PRIM1: variants seen among roughly 807,000 people sequenced by gnomAD.
PRIM1 encodes DNA primase small subunit.
Under a neutral mutation model 60.2 loss-of-function variants are expected in PRIM1, and 38 were observed. The observed-to-expected ratio is 0.63, with a 90% CI of 0.49 to 0.83. The LOEUF (loss-of-function observed/expected upper bound fraction) is 0.83. Ranked by LOEUF, PRIM1 falls within the 40% of genes least tolerant of loss-of-function variation. The probability of loss-of-function intolerance (pLI) is 0.00; values close to 1 mark genes in which losing one functional copy is unlikely to be tolerated. For synonymous variants in PRIM1, 158 were observed against 160.2 expected (o/e 0.99, Z 0.10); for missense variants, 388 against 506.2 (o/e 0.77, Z 2.24).
Position 56,751,128 on chromosome 12 carries a change from G to T in PRIM1, c.171C>A (p.Tyr57Ter). ...FTLKDDIYIR[Y>*]QSFNNQSDLE... ...GATCACTCTGGTTGTTGAAGGATTGGTAGCGAATGTAAATATCATCTTTCA... is the reference window on the plus strand; with the variant it reads ...GATCACTCTGGTTGTTGAAGGATTGTTAGCGAATGTAAATATCATCTTTCA... Residue 57 changes from tyrosine (Y) to a stop codon, truncating the protein, a stop_gained, in exon 2 of 13, where the codon TAC becomes TAA. Coordinates refer to ENST00000338193, the MANE Select transcript of PRIM1 (RefSeq NM_000946.3). LOFTEE classifies it high-confidence loss of function. The T allele has an allele frequency of 1.3e-6, 2 of 1,582,236 alleles. No individual in the cohort carries two copies. Among genetic ancestry groups the T allele is most frequent in the Non-Finnish European group, 1.7e-6 (2 of 1,162,104 alleles).
chr12:56,736,471 A>G (rs1407080457), intron 11 of PRIM1, among the ~76,000 whole-genome samples: 1 of 151,524 alleles, frequency 6.6e-6, no homozygotes, highest in Non-Finnish European at 1.5e-5. Context: ...AAGAATCCTC[A>G]TAATAGTTCT....
chr12:56,746,263 T>G, intron 4 of PRIM1, 82 bp from the exon 5 acceptor site: 3 of 1,439,910 alleles, frequency 2.1e-6, no homozygotes, highest in Non-Finnish European at 2.9e-6. Flanking sequence ...TGTTGTTTCC[T>G]GTGCTCCCCA....
Position 56,741,857 on chromosome 12 carries a change from C to T in PRIM1, c.749-20G>A, listed in dbSNP as rs779902789. 1 of 1,603,374 alleles carries T rather than the reference C, an allele frequency of 6.2e-7. No individual in the cohort carries two copies. The highest frequency in any genetic ancestry group is 1.1e-5 in the South Asian group (1 of 90,796). Reference sequence around the variant, plus strand: ...GAATTGGTGATGGGTCATTAAGGAACAGACTCATTTAGGGAACATCAATGA... The same window carrying T: ...GAATTGGTGATGGGTCATTAAGGAATAGACTCATTTAGGGAACATCAATGA... On this transcript the variant is annotated intron_variant, in intron 7 of 12. Coordinates refer to ENST00000338193, the MANE Select transcript of PRIM1 (RefSeq NM_000946.3).
At chr12:56,734,291 G>A in intron 11 of PRIM1, 46 bp from the exon 12 acceptor site, 1 of 1,214,334 alleles carries the variant, frequency 8.2e-7, no homozygotes, top group Non-Finnish European at 1.2e-6. Context: ...CTGGCAGCAA[G>A]AATAACATGA....
rs148347448 is a variant in PRIM1 at position 56,739,868 on chromosome 12, G to A, written c.983-505C>T. 2.7e-3 allele frequency among the ~76,000 whole-genome samples: 415 copies of A among 152,312 alleles called. 2 individuals are homozygous for A. The highest frequency in any genetic ancestry group is 9.9e-3 in the African/African-American group (411 of 41,576). ...CTCTTTAAAAAACCAGCCAGGTGCAGTGGCTCACGCCTGTAATCCCAGCAC... is the reference window on the plus strand; with the variant it reads ...CTCTTTAAAAAACCAGCCAGGTGCAATGGCTCACGCCTGTAATCCCAGCAC... On this transcript the variant is annotated intron_variant, in intron 9 of 12. Transcript: ENST00000338193.
At chr12:56,747,088 G>A in intron 2 of PRIM1, 56 bp from the exon 3 acceptor site, 2 of 1,396,220 alleles carry the variant, frequency 1.4e-6, no homozygotes, top group South Asian at 1.2e-5. Flanking sequence ...TGCTAAATCT[G>A]CTTATTTTCT....
intron 6 of PRIM1, chr12:56,743,540 C>T (rs3943363): frequency 0.015 from 2,388 of 156,150 alleles, 28 homozygotes; most frequent in South Asian, 0.045. Flanking sequence ...ATCATTGATA[C>T]AACTGTGAGA....
Position 56,746,057 on chromosome 12 carries a change from CAAA to C in PRIM1, c.564_566del (p.Tyr188_Leu189delinsTer). ...AAGAGGATCTTACCTTTACAAGGCTCAAATACTCAACTATCCCAGAACGTACTG... is the reference window on the plus strand; with the variant it reads ...AAGAGGATCTTACCTTTACAAGGCTCTACTCAACTATCCCAGAACGTACTG... On this transcript the variant is annotated stop_gained and inframe_deletion, in exon 5 of 13. Transcript: ENST00000338193. LOFTEE classifies it high-confidence loss of function. 1 of 1,607,466 alleles carries C rather than the reference CAAA, an allele frequency of 6.2e-7. No individual in the cohort carries two copies. The highest frequency in any genetic ancestry group is 8.5e-7 in the Non-Finnish European group (1 of 1,178,148).
At chr12:56,751,980 T>G (rs1274570098) in intron 1 of PRIM1, among the ~76,000 whole-genome samples, 8 of 149,398 alleles carry the variant, frequency 5.4e-5, no homozygotes, top group African/African-American at 7.4e-5. Flanking sequence ...TTTTTTTTTT[T>G]TTTTTTTTTT....
intron 7 of PRIM1, 86 bp from the exon 8 acceptor site, chr12:56,741,923 A>C: frequency 8.4e-7 from 1 of 1,188,282 alleles, no homozygotes; most frequent in South Asian, 1.3e-5. Flanking sequence ...AGGGTGTCTT[A>C]CAAATATTCA....
intron 10 of PRIM1, 94 bp from the exon 11 acceptor site, chr12:56,738,619 T>C (rs1953851061): frequency 1.5e-6 from 2 of 1,316,050 alleles, no homozygotes; most frequent in Non-Finnish European, 1.0e-6. Context: ...TGGTGCGATC[T>C]TGGCTCACTG....
At chr12:56,744,495 A>G (rs1242409491) in intron 5 of PRIM1, among the ~76,000 whole-genome samples, 1 of 151,102 alleles carries the variant, frequency 6.6e-6, no homozygotes, top group Non-Finnish European at 1.5e-5. Context: ...CTCCATCTCA[A>G]AAAAAAAAGA....
intron 2 of PRIM1, 21 bp downstream of exon 2, chr12:56,751,017 T>C (rs1482995066): frequency 1.7e-5 from 23 of 1,391,252 alleles, no homozygotes; most frequent in Non-Finnish European, 2.0e-5. Flanking sequence ...CAACAAAATA[T>C]ATTAAAAAAA....
intron 10 of PRIM1, among the ~76,000 whole-genome samples, chr12:56,739,037 T>A (rs369397216): frequency 1.0e-3 from 158 of 152,360 alleles, no homozygotes; most frequent in African/African-American, 3.6e-3. Flanking sequence ...AATACTGTAG[T>A]AAAAGATACT....
chr12:56,736,446 C>A (rs1241349941), intron 11 of PRIM1, among the ~76,000 whole-genome samples: 3 of 150,894 alleles, frequency 2.0e-5, no homozygotes, highest in Non-Finnish European at 4.4e-5. Flanking sequence ...TAGTATCCTA[C>A]GTTTGCATGG....
chr12:56,751,456 T>C (rs1183706173), intron 1 of PRIM1: 2 of 207,568 alleles, frequency 9.6e-6, no homozygotes, highest in African/African-American at 2.3e-5. Context: ...CAGATAATTT[T>C]TGTATTTTTT....
chr12:56,749,129 C>A (rs1384021266), intron 2 of PRIM1, among the ~76,000 whole-genome samples: 2 of 152,136 alleles, frequency 1.3e-5, no homozygotes, highest in Non-Finnish European at 2.9e-5. Context: ...CTGCCTCAGC[C>A]TCCTGAGTAG....
At chr12:56,734,897 C>T (rs1456235766) in intron 11 of PRIM1, among the ~76,000 whole-genome samples, 1 of 149,594 alleles carries the variant, frequency 6.7e-6, no homozygotes, top group Non-Finnish European at 1.5e-5. Flanking sequence ...CTGCAACTTC[C>T]GCCTCCCAGG....
At chr12:56,751,372 C>T in intron 1 of PRIM1, 177 bp from the exon 2 acceptor site, 1 of 426,244 alleles carries the variant, frequency 2.3e-6, no homozygotes, top group Non-Finnish European at 4.1e-6. Context: ...CTCCGCCTCC[C>T]GGGTTCAAGG....
Sources: gnomAD v4.1 joint callset for allele counts (sites outside exome capture counted in the v4.1 genomes callset) on GRCh38, gnomAD v4.1.1 for gene constraint, MANE v1.5 for transcripts, NCBI Gene and HGNC (gene_info 2026-07-23, HGNC 2026-07-21) for gene names.